Variants in CPS1 observed in about 807,000 individuals in gnomAD.
CPS1 encodes carbamoyl-phosphate synthase [ammonia], mitochondrial.
In CPS1, 109 loss-of-function variants were observed where a neutral mutation model predicts 174.6. That is an observed-to-expected ratio of 0.62 (90% CI 0.53 to 0.73). The LOEUF is 0.73. CPS1 is among the 30% of genes least tolerant of loss of function. The pLI, the probability that CPS1 is intolerant of heterozygous loss-of-function variation, is 0.00. For missense variants in CPS1, 1,689 were observed against 1,821.9 expected (o/e 0.93, Z 1.33); for synonymous variants, 637 against 632.0 (o/e 1.01, Z -0.12).
At chr2:210,520,831 T>A (rs974153498) in intron 1 of CPS1, among the ~76,000 whole-genome samples, 1 of 152,018 alleles carries the variant, frequency 6.6e-6, no homozygotes, top group South Asian at 2.1e-4. Flanking sequence ...TACTACAATG[T>A]TTTTTACTCA....
intron 1 of CPS1, among the ~76,000 whole-genome samples, chr2:210,567,329 C>T (rs1470419695): frequency 6.6e-6 from 1 of 151,818 alleles, no homozygotes; most frequent in African/African-American, 2.4e-5. Flanking sequence ...TAGATCTCAA[C>T]AACAAAAAAC....
At chr2:210,620,859 G>A (rs938674434) in intron 21 of CPS1, among the ~76,000 whole-genome samples, 1 of 151,940 alleles carries the variant, frequency 6.6e-6, no homozygotes, top group African/African-American at 2.4e-5. Context: ...TTTGGGCAGG[G>A]ACAAACATAA....
intron 6 of CPS1, among the ~76,000 whole-genome samples, chr2:210,587,570 T>C (rs942174292): frequency 3.3e-5 from 5 of 152,112 alleles, no homozygotes; most frequent in African/African-American, 1.2e-4. Flanking sequence ...ACTCTTATAC[T>C]GATTTTATCC....
intron 1 of CPS1, among the ~76,000 whole-genome samples, chr2:210,566,891 C>T (rs1697322823): frequency 6.6e-6 from 1 of 152,032 alleles, no homozygotes; most frequent in African/African-American, 2.4e-5. Flanking sequence ...ACACAACATG[C>T]TCCCAAACCT....
rs1224539507 is a variant in CPS1, at chr2:210,512,871, T to TAGAGAGAG, written c.3+35106_3+35107insGAGAGAGA. Among the ~76,000 whole-genome samples, 6 of 47,934 alleles carry TAGAGAGAG rather than the reference T, an allele frequency of 1.3e-4. 1 individual carries two copies. The highest frequency in any genetic ancestry group is 1.1e-3 in the East Asian group (2 of 1,792). 31.4% of individuals were successfully genotyped at this position (47,934 alleles called of 152,430 possible). A position where few individuals can be genotyped will look rare whatever the true frequency, so the allele number is the denominator to read the frequency against. ...GGAGATATATATATATAGATATATA[T>TAGAGAGAG]ATATAGAGATATATATATGGAGATA... On this transcript the variant is annotated intron_variant, in intron 1 of 38. Coordinates refer to the CPS1 transcript ENST00000430249.
intron 1 of CPS1, among the ~76,000 whole-genome samples, chr2:210,550,593 A>G (rs540481487): frequency 2.0e-5 from 3 of 152,142 alleles, no homozygotes; most frequent in African/African-American, 4.8e-5. Flanking sequence ...ACAAGTGGCA[A>G]GTACCTCAAC....
At chr2:210,477,869 T>C (rs541490267) in intron 1 of CPS1, 4 of 1,312,074 alleles carry the variant, frequency 3.0e-6, no homozygotes, top group Admixed American at 2.0e-5. Flanking sequence ...ATCAATTATT[T>C]TTTCTTTAAT....
At chr2:210,539,117 A>G (rs1008659602) in intron 1 of CPS1, among the ~76,000 whole-genome samples, 3 of 152,214 alleles carry the variant, frequency 2.0e-5, no homozygotes, top group Non-Finnish European at 4.4e-5. Context: ...GAACCTCAAG[A>G]AGATCACTTA....
chr2:210,526,992 A>T (rs2544311), intron 1 of CPS1, among the ~76,000 whole-genome samples: 1 of 151,774 alleles, frequency 6.6e-6, no homozygotes, highest in South Asian at 2.1e-4. Context: ...TGGTGCAAAA[A>T]TAATTGTTTT....
chr2:210,573,657 A>G (rs1204701408), intron 2 of CPS1, among the ~76,000 whole-genome samples: 1 of 152,038 alleles, frequency 6.6e-6, no homozygotes, highest in Admixed American at 6.6e-5. Flanking sequence ...AACAAAATGA[A>G]TTCTAGAAAC....
chr2:210,496,451 A>C (rs1177347581), intron 1 of CPS1, among the ~76,000 whole-genome samples: 3 of 152,172 alleles, frequency 2.0e-5, no homozygotes, highest in Non-Finnish European at 4.4e-5. Context: ...ATAGGAATTA[A>C]CTTAAGCAAA....
At chr2:210,677,718 G>T (rs543220311) in intron 37 of CPS1, among the ~76,000 whole-genome samples, 169 bp from the exon 38 acceptor site, 3 of 152,206 alleles carry the variant, frequency 2.0e-5, no homozygotes, top group Non-Finnish European at 2.9e-5. Flanking sequence ...AGTCCCCATG[G>T]TGAGGTCTGA....
At chr2:210,570,301 A>G (rs945109980) in intron 1 of CPS1, among the ~76,000 whole-genome samples, 1 of 151,986 alleles carries the variant, frequency 6.6e-6, no homozygotes, top group East Asian at 1.9e-4. Context: ...CTCAGGGACT[A>G]TTTCACGCAA....
chr2:210,539,101 G>A (rs1015435476), intron 1 of CPS1, among the ~76,000 whole-genome samples: 3 of 152,134 alleles, frequency 2.0e-5, no homozygotes, highest in African/African-American at 7.2e-5. Context: ...TGACTAATTT[G>A]TAGTGGAACC....
chr2:210,593,870 T>A (rs893872558), intron 11 of CPS1, among the ~76,000 whole-genome samples: 1 of 152,016 alleles, frequency 6.6e-6, no homozygotes, highest in African/African-American at 2.4e-5. Flanking sequence ...GTTATGTGTA[T>A]CATCTAACAC....
rs1398736378 is a variant in CPS1 at position 210,533,343 on chromosome 2, G to C, written c.4-23376G>C. ...AGCAAACAGTAGCTAATAGTTCTCTGACACTATATGCTAGACACCATTGCA... is the reference window on the plus strand; with the variant it reads ...AGCAAACAGTAGCTAATAGTTCTCTCACACTATATGCTAGACACCATTGCA... On this transcript the variant is annotated intron_variant, in intron 1 of 38. Transcript: ENST00000430249. 3.3e-5 allele frequency among the ~76,000 whole-genome samples: 5 copies of C among 152,116 alleles called. No homozygotes were observed. The South Asian group carries it at 1.0e-3, about 32-fold the overall frequency.
At chr2:210,517,339 G>C (rs1223517255) in intron 1 of CPS1, among the ~76,000 whole-genome samples, 1 of 151,986 alleles carries the variant, frequency 6.6e-6, no homozygotes, top group East Asian at 1.9e-4. Flanking sequence ...CACAGGCATA[G>C]GTCAGAAGTC....
chr2:210,619,884 TA>T (rs1699449490), intron 21 of CPS1: 1 of 148,908 alleles, frequency 6.7e-6, no homozygotes, highest in East Asian at 2.0e-4. Flanking sequence ...AAATAGACTA[TA>T]CCCACGCATG....
chr2:210,482,722 G>A (rs1694606699), intron 1 of CPS1, among the ~76,000 whole-genome samples: 2 of 151,968 alleles, frequency 1.3e-5, no homozygotes, highest in Admixed American at 1.3e-4. Context: ...AAAAGCCATG[G>A]TTCTAAAGGT....
Sources: gnomAD v4.1 joint callset for allele counts (sites outside exome capture counted in the v4.1 genomes callset) on GRCh38, gnomAD v4.1.1 for gene constraint, MANE v1.5 for transcripts, NCBI Gene and HGNC (gene_info 2026-07-23, HGNC 2026-07-21) for gene names.